Variants in CTC1 observed in about 807,000 individuals in gnomAD.
CTC1 encodes the protein CST telomere replication complex component 1.
A neutral mutation model predicts 136.3 loss-of-function variants in CTC1; 91 were observed. That is an observed-to-expected ratio of 0.67 (90% CI 0.56 to 0.79). The LOEUF is 0.79. Ranked by LOEUF, CTC1 falls within the 30% of genes least tolerant of loss-of-function variation. The probability of loss-of-function intolerance (pLI) is 0.00; values close to 1 mark genes in which losing one functional copy is unlikely to be tolerated. For missense variants in CTC1, 1,432 were observed against 1,498.1 expected, an observed-to-expected ratio of 0.96 and a Z score of 0.73; for synonymous variants, 606 against 613.8, an observed-to-expected ratio of 0.99 and a Z score of 0.19.
In CTC1 at chr17:8,226,180, A is replaced by G. The variant is rs1202500201; in HGVS notation, c.*2000T>C. ...CTCTTACGCGTTCTGATATAAAAAC[A>G]ATACATGAAAGGATGTGGATTTAGC... is the stretch of plus-strand genomic sequence containing the variant. On this transcript the variant is annotated 3_prime_UTR_variant, in exon 23 of 23. Transcript: ENST00000651323. 6.6e-6 allele frequency: 1 copy of G among 152,220 alleles called. No individual in the cohort carries two copies. Among genetic ancestry groups the G allele is most frequent in the East Asian group, 1.9e-4 (1 of 5,200 alleles). 9.4% of individuals were successfully genotyped at this position (152,220 alleles called of 1,614,324 possible). A position where few individuals can be genotyped will look rare whatever the true frequency, so the allele number is the denominator to read the frequency against.
At chr17:8,242,571 T>TAC (rs1988362518) in intron 2 of CTC1, among the ~76,000 whole-genome samples, 1 of 141,958 alleles carries the variant, frequency 7.0e-6, no homozygotes, top group African/African-American at 2.6e-5. Flanking sequence ...TATATATATA[T>TAC]ATATATATAC....
In CTC1 at chr17:8,227,037, A is replaced by G. The variant is rs1386687569; in HGVS notation, c.*1143T>C. The G allele has an allele frequency of 6.6e-6, 1 of 151,564 alleles. No homozygotes were observed. Among genetic ancestry groups the G allele is most frequent in the Non-Finnish European group, 1.5e-5 (1 of 68,034 alleles). The allele number at this position is 151,564 out of a possible 1,614,324, so 9.4% of individuals were successfully genotyped here. On this transcript the variant is annotated 3_prime_UTR_variant, in exon 23 of 23. Coordinates refer to ENST00000651323, the MANE Select transcript of CTC1 (RefSeq NM_025099.6). Reference sequence around the variant, plus strand: ...CCGCGACCTTGGCGTTATTAGCACCACGCTCTAACCAACTGAGCTAACCGG... The same window carrying G: ...CCGCGACCTTGGCGTTATTAGCACCGCGCTCTAACCAACTGAGCTAACCGG...
At chr17:8,241,429 G>C (rs1166838369) in intron 2 of CTC1, among the ~76,000 whole-genome samples, 1 of 151,892 alleles carries the variant, frequency 6.6e-6, no homozygotes, top group African/African-American at 2.4e-5. Context: ...ATACCAGTAC[G>C]GCCAATGGTG....
chr17:8,244,984 T>C (rs1391111689), intron 1 of CTC1, among the ~76,000 whole-genome samples: 1 of 152,324 alleles, frequency 6.6e-6, no homozygotes. Flanking sequence ...AATGAGATCA[T>C]GTTCTCTGCT....
In CTC1 at chr17:8,242,847, C is replaced by A. The variant is rs78780166; in HGVS notation, c.197+138G>T. On this transcript the variant is annotated intron_variant, in intron 2 of 22. Coordinates refer to ENST00000651323, the MANE Select transcript of CTC1 (RefSeq NM_025099.6). ...GCTTGATAGTGTTAGAAAAGCTCTG[C>A]AGAAGGGGTATGTTTAGACTACCTT... 3,944 of 601,290 alleles carry A rather than the reference C, an allele frequency of 6.6e-3. 136 individuals carry two copies. The African/African-American group carries it at 0.067, about 10-fold the overall frequency. 37.2% of individuals were successfully genotyped at this position (601,290 alleles called of 1,614,324 possible).
rs369255297 is a variant in CTC1, at chr17:8,231,334, C to T, written c.2611G>A (p.Val871Met). Residue 871 changes from valine to methionine, a missense_variant, in exon 15 of 23, where the codon GTG (valine) becomes ATG (methionine). Physicochemically the swap from Val to Met is conservative, Grantham distance 21. Transcript: ENST00000651323. ...ELESSQDIQD[V>M]LDANKSLPES... ...GGCAATGACTTGTTTGCATCCAGCA[C>T]ATCTTGGATATCCTGGGAGCTTTCA... 9.9e-6 allele frequency: 16 copies of T among 1,608,248 alleles called. No individual in the cohort carries two copies. The African/African-American group carries it at 2.0e-4, about 20-fold the overall frequency.
chr17:8,238,465 G>A lies in CTC1; in HGVS notation c.362C>T (p.Ser121Leu), dbSNP rs773945643. 5.6e-6 allele frequency: 9 copies of A among 1,614,150 alleles called. No homozygotes were observed. The highest frequency in any genetic ancestry group is 5.5e-5 in the South Asian group (5 of 91,074). ...LLLLGTLTDL[S>L]ADLEQECRNG... Reference sequence around the variant, plus strand: ...CCTGCACTCTTGTTCCAAGTCTGCCGATAGGTCTGTTAGTGTCCCTAAAAG... The same window carrying A: ...CCTGCACTCTTGTTCCAAGTCTGCCAATAGGTCTGTTAGTGTCCCTAAAAG... Residue 121 changes from serine to leucine, a missense_variant, in exon 3 of 23, where the codon TCG becomes TTG. Coordinates refer to ENST00000651323, the MANE Select transcript of CTC1 (RefSeq NM_025099.6).
rs62624978 is a variant in CTC1 at position 8,235,251 on chromosome 17, C to G, written c.1241G>C (p.Gly414Ala). The change falls in exon 8 of 23, where the codon GGG becomes GCG. Residue 414 changes from glycine to alanine, a missense_variant. Transcript: ENST00000651323. ...GGCGAGCACTGGCCTTCTTGTCCCCCCTCCCACTGACTGGAGCAGGTGAAC... is the reference window on the plus strand; with the variant it reads ...GGCGAGCACTGGCCTTCTTGTCCCCGCTCCCACTGACTGGAGCAGGTGAAC... ...QDVHLLQSVGGGTRRPVLAPC... is the reference protein window; with the variant it reads ...QDVHLLQSVGAGTRRPVLAPC... 0.016 allele frequency: 25,103 copies of G among 1,613,968 alleles called. 258 individuals carry two copies. The highest frequency in any genetic ancestry group is 0.057 in the Middle Eastern group (348 of 6,058).
intron 1 of CTC1, among the ~76,000 whole-genome samples, chr17:8,246,115 A>C (rs1040781890): frequency 1.0e-4 from 15 of 145,466 alleles, no homozygotes; most frequent in Admixed American, 9.8e-4. Context: ...CTGAGGTGGG[A>C]GGATCGCTTG....
At position 8,231,364 on chromosome 17, in the gene CTC1, CCA is replaced by C; in HGVS notation, c.2579_2580del (p.Leu860ArgfsTer3). 1.9e-6 allele frequency: 3 copies of C among 1,612,404 alleles called. No individual in the cohort carries two copies. The highest frequency in any genetic ancestry group is 2.5e-6 in the Non-Finnish European group (3 of 1,178,678). On this transcript the variant is annotated frameshift_variant, in exon 15 of 23. Transcript: ENST00000651323. LOFTEE classifies it high-confidence loss of function. Reference sequence around the variant, plus strand: ...TGGATATCCTGGGAGCTTTCAAGCTCCAGAGTCCAGTTGTCCTGGACAGTGAG... The same window carrying C: ...TGGATATCCTGGGAGCTTTCAAGCTCGAGTCCAGTTGTCCTGGACAGTGAG... ...SCLTVQDNWT[L>X]ELESSQDIQD...
rs1237059816 is a variant in CTC1, at chr17:8,226,885, G to A, written c.*1295C>T. On this transcript the variant is annotated 3_prime_UTR_variant, in exon 23 of 23. Transcript: ENST00000651323. ...GTGATTCAGGGAATAGGAAGCAGTA[G>A]GTGCAATATAATTCTGTTACCAGAA... The A allele has an allele frequency of 6.6e-6, 1 of 152,088 alleles. No individual in the cohort carries two copies. The highest frequency in any genetic ancestry group is 1.5e-5 in the Non-Finnish European group (1 of 68,038). The allele number at this position is 152,088 out of a possible 1,614,324, so 9.4% of individuals were successfully genotyped here.
chr17:8,242,579 T>TATATATATATATATAC (rs1248128493), intron 2 of CTC1, among the ~76,000 whole-genome samples: 4 of 127,944 alleles, frequency 3.1e-5, no homozygotes, highest in African/African-American at 1.1e-4. Flanking sequence ...TATATATATA[T>TATATATATATATATAC]ACACATATAT....
intron 5 of CTC1, among the ~76,000 whole-genome samples, 176 bp from the exon 6 acceptor site, chr17:8,236,518 A>C (rs1311576330): frequency 6.6e-6 from 1 of 152,192 alleles, no homozygotes. Context: ...CTCTCACAGG[A>C]GATGCCAAAT....
intron 1 of CTC1, among the ~76,000 whole-genome samples, chr17:8,244,383 C>T (rs904432030): frequency 7.2e-5 from 11 of 152,280 alleles, no homozygotes; most frequent in African/African-American, 2.6e-4. Context: ...ACCAGTTTGG[C>T]CTACTCCCAG....
chr17:8,228,276 G>T lies in CTC1; in HGVS notation c.3558C>A (p.Phe1186Leu). 1 of 1,614,162 alleles carries T rather than the reference G, an allele frequency of 6.2e-7. No individual in the cohort carries two copies. Among genetic ancestry groups the T allele is most frequent in the Non-Finnish European group, 8.5e-7 (1 of 1,180,006 alleles). Reference protein sequence around the residue: ...LQRFQCGELPFLTHVNPRLRL... With the variant: ...LQRFQCGELPLLTHVNPRLRL... Reference sequence around the variant, plus strand: ...GGAGCCTGGGGTTCACGTGAGTCAGGAAAGGGAGCTCTCCACACTGGAATC... The same window carrying T: ...GGAGCCTGGGGTTCACGTGAGTCAGTAAAGGGAGCTCTCCACACTGGAATC... The change falls in exon 23 of 23, where the codon TTC (phenylalanine) becomes TTA (leucine). Residue 1186 changes from phenylalanine (F) to leucine (L), a missense_variant. Transcript: ENST00000651323.
At chr17:8,239,479 T>G (rs1023513986) in intron 2 of CTC1, among the ~76,000 whole-genome samples, 4 of 152,128 alleles carry the variant, frequency 2.6e-5, no homozygotes, top group Admixed American at 6.6e-5. Flanking sequence ...TTGTGATAAA[T>G]TCACCTTTTT....
chr17:8,234,858 C>G lies in CTC1; in HGVS notation c.1508G>C (p.Gly503Ala). 2 of 1,613,298 alleles carry G rather than the reference C, an allele frequency of 1.2e-6. No individual in the cohort carries two copies. The highest frequency in any genetic ancestry group is 1.7e-6 in the Non-Finnish European group (2 of 1,179,624). ...CAGGGTAGGAGCCAGGAGTTGCAGT[C>G]CCAGGCTGGGGCTCCCAGGAGAGGA... ...QHSSPGSPSLGLQLLAPTLDL... is the reference protein window; with the variant it reads ...QHSSPGSPSLALQLLAPTLDL... The change falls in exon 9 of 23, where the codon GGA (glycine) becomes GCA (alanine). Residue 503 changes from glycine to alanine, a missense_variant. By Grantham distance (60) the Gly-to-Ala change is moderately conservative (BLOSUM62 0). Coordinates refer to ENST00000651323, the MANE Select transcript of CTC1 (RefSeq NM_025099.6).
At position 8,234,913 on chromosome 17, in the gene CTC1, C is replaced by A. The variant is rs866284656; in HGVS notation, c.1453G>T (p.Val485Leu). Residue 485 changes from valine to leucine, a missense_variant, in exon 9 of 23, where the codon GTG becomes TTG. Physicochemically the swap from Val to Leu is conservative, Grantham distance 32. Transcript: ENST00000651323. ...TGCAGGAACTGGTGGTGTCTCAGCA[C>A]ATGGGGACACAGCCTTGGCCAGGAA... ...EELACKLCPH[V>L]LRHHQFLQHS... 6.2e-7 allele frequency: 1 copy of A among 1,601,938 alleles called. No individual in the cohort carries two copies. Among genetic ancestry groups the A allele is most frequent in the South Asian group, 1.1e-5 (1 of 89,076 alleles).
intron 5 of CTC1, 121 bp downstream of exon 5, chr17:8,237,254 G>A: frequency 8.7e-7 from 1 of 1,143,616 alleles, no homozygotes; most frequent in East Asian, 2.4e-5. Context: ...CGCTATTCCA[G>A]AAAACAGCTC....
Sources: allele counts gnomAD v4.1 joint callset (sites outside exome capture counted in the v4.1 genomes callset), GRCh38; gene constraint gnomAD v4.1.1; transcripts MANE v1.5; gene names NCBI Gene and HGNC (gene_info 2026-07-23, HGNC 2026-07-21).